The following KDM5B variants were observed in gnomAD, a reference collection of about 807,000 sequenced individuals.
The protein encoded by KDM5B is lysine-specific demethylase 5B.
In KDM5B, 144 loss-of-function variants were observed where a neutral mutation model predicts 193.4. The ratio of observed to expected loss-of-function variants is 0.74; its 90% CI spans 0.65 to 0.86. KDM5B has a LOEUF of 0.86. Among genes scored for constraint, KDM5B ranks in the 40% least tolerant of loss-of-function variants. The probability of loss-of-function intolerance (pLI) is 0.00; values close to 1 mark genes in which losing one functional copy is unlikely to be tolerated. For missense variants in KDM5B, 1,833 were observed against 1,886.9 expected (o/e 0.97, Z 0.53); for synonymous variants, 668 against 682.6 (o/e 0.98, Z 0.33).
At chr1:202,754,042 C>G (rs4478871) in intron 11 of KDM5B, among the ~76,000 whole-genome samples, 117,942 of 152,170 alleles carry the variant, frequency 0.78, 46,909 homozygotes, top group Admixed American at 0.86. Flanking sequence ...TAAAGCAACC[C>G]ACAAGGGTAA....
In KDM5B at chr1:202,740,806, T is replaced by C. The variant is rs749294393; in HGVS notation, c.2952A>G (p.Arg984=). The stretch of plus-strand genomic sequence containing the variant: ...CCGTAGCAAGGCTATTCAATGAATG[T>C]CGTGGCCTACAAAATGCAAACAAAG... The part of the protein sequence containing the change: ...KAKSLLKARP[R]HSLNSLATAV... The change falls in exon 20 of 27, where the codon CGA becomes CGG. Residue 984 remains arginine, a synonymous_variant. Coordinates refer to ENST00000367265, the MANE Select transcript of KDM5B (RefSeq NM_006618.5). The C allele has an allele frequency of 1.2e-6, 2 of 1,608,712 alleles. No homozygotes were observed. The highest frequency in any genetic ancestry group is 8.5e-7 in the Non-Finnish European group (1 of 1,177,246).
intron 8 of KDM5B, among the ~76,000 whole-genome samples, chr1:202,760,090 A>C (rs922476646): frequency 2.6e-5 from 4 of 152,108 alleles, no homozygotes; most frequent in Admixed American, 6.6e-5. Context: ...AGGTAGGAGG[A>C]CTATTTGAGC....
Position 202,789,044 on chromosome 1 carries a change from A to C in KDM5B, c.205-11950T>G, listed in dbSNP as rs554972828. Among the ~76,000 whole-genome samples, 4 of 152,252 alleles carry C rather than the reference A, an allele frequency of 2.6e-5. No homozygotes were observed. The East Asian group carries it at 7.7e-4, about 29-fold the overall frequency. On this transcript the variant is annotated intron_variant, in intron 1 of 26. Transcript: ENST00000367265. ...AGGGCAGGGGAAGCTTAAACATCCC[A>C]CACCCTAACTTTAAGGCCTCATTAG...
intron 4 of KDM5B, among the ~76,000 whole-genome samples, chr1:202,772,855 C>T (rs1472186768): frequency 6.9e-6 from 1 of 145,020 alleles, no homozygotes; most frequent in African/African-American, 2.4e-5. Context: ...CGCCACCATG[C>T]CCAGCAAATT....
chr1:202,756,412 A>T lies in KDM5B; in HGVS notation c.1302T>A (p.Phe434Leu). The change falls in exon 10 of 27, where the codon TTT becomes TTA. Residue 434 changes from phenylalanine to leucine, a missense_variant. Transcript: ENST00000367265. ...EYGADIASKE[F>L]GSGFPVRDGK... ...CATCTCGGACAGGAAAGCCACTGCC[A>T]AATTCCTTTGAGGCAATGTCAGCTC... is the stretch of plus-strand genomic sequence containing the variant. The T allele has an allele frequency of 6.2e-7, 1 of 1,613,742 alleles. No individual in the cohort carries two copies. Among genetic ancestry groups the T allele is most frequent in the Non-Finnish European group, 8.5e-7 (1 of 1,179,816 alleles).
At chr1:202,794,857 T>C (rs1430476108) in intron 1 of KDM5B, among the ~76,000 whole-genome samples, 1 of 152,186 alleles carries the variant, frequency 6.6e-6, no homozygotes, top group Non-Finnish European at 1.5e-5. Flanking sequence ...ATGATAAAAT[T>C]TAACTTATAA....
chr1:202,787,030 C>A (rs571174891), intron 1 of KDM5B, among the ~76,000 whole-genome samples: 2 of 151,018 alleles, frequency 1.3e-5, no homozygotes, highest in Non-Finnish European at 3.0e-5. Flanking sequence ...TTTTCTTTTT[C>A]TTTTTGAGAC....
chr1:202,774,687 A>G lies in KDM5B; in HGVS notation c.331T>C (p.Trp111Arg). The change falls in exon 3 of 27, where the codon TGG becomes CGG. Residue 111 changes from tryptophan (W) to arginine (R), a missense_variant. By Grantham distance (101) the Trp-to-Arg change is moderately radical (BLOSUM62 -3). Coordinates refer to ENST00000367265, the MANE Select transcript of KDM5B (RefSeq NM_006618.5). ...LNFLDQIAKY[W>R]ELQGSTLKIP... ...TTCAGAGTACTTCCCTGTAACTCCC[A>G]GTACTTTGCAATCTGGTCCAAGAAA... The G allele has an allele frequency of 6.2e-7, 1 of 1,612,892 alleles. No homozygotes were observed. The highest frequency in any genetic ancestry group is 8.5e-7 in the Non-Finnish European group (1 of 1,178,866).
chr1:202,795,276 A>G (rs1234037631), intron 1 of KDM5B, among the ~76,000 whole-genome samples: 3 of 151,984 alleles, frequency 2.0e-5, no homozygotes, highest in Non-Finnish European at 4.4e-5. Context: ...TTCTCTCAAA[A>G]TATCTTATTG....
intron 4 of KDM5B, 27 bp downstream of exon 4, chr1:202,773,091 C>T (rs1558505256): frequency 4.0e-6 from 6 of 1,495,076 alleles, no homozygotes; most frequent in Admixed American, 1.8e-5. Context: ...TAAGATAAAA[C>T]AGGTTAAGGC....
intron 13 of KDM5B, among the ~76,000 whole-genome samples, chr1:202,749,507 T>A (rs566374624): frequency 1.3e-5 from 2 of 152,168 alleles, no homozygotes; most frequent in South Asian, 4.2e-4. Context: ...CAATGAGCCA[T>A]GATTGCACCA....
rs1656017083 is a variant in KDM5B at position 202,756,475 on chromosome 1, T to C, written c.1239A>G (p.Leu413=). ...TGACATCCTCCTCAATAGTGCTTAC[T>C]AGTCTCCAAAATTCTTTCTCAACAA... is the stretch of plus-strand genomic sequence containing the variant. ...TELVEKEFWR[L]VSTIEEDVTV... The change falls in exon 10 of 27, where the codon CTA becomes CTG. Residue 413 remains leucine, a synonymous_variant. Coordinates refer to ENST00000367265, the MANE Select transcript of KDM5B (RefSeq NM_006618.5). 6.2e-7 allele frequency: 1 copy of C among 1,610,540 alleles called. No homozygotes were observed. Among genetic ancestry groups the C allele is most frequent in the South Asian group, 1.1e-5 (1 of 90,376 alleles).
At chr1:202,755,028 C>T (rs1296183945) in intron 11 of KDM5B, among the ~76,000 whole-genome samples, 1 of 152,150 alleles carries the variant, frequency 6.6e-6, no homozygotes, top group African/African-American at 2.4e-5. Flanking sequence ...ACCCTTCCCC[C>T]AGAATTACGT....
At chr1:202,792,873 T>C (rs1657695626) in intron 1 of KDM5B, among the ~76,000 whole-genome samples, 1 of 152,022 alleles carries the variant, frequency 6.6e-6, no homozygotes, top group Non-Finnish European at 1.5e-5. Flanking sequence ...GGTGGGTGCC[T>C]GTAATCCCAG....
At chr1:202,788,147 T>C (rs576652107) in intron 1 of KDM5B, among the ~76,000 whole-genome samples, 288 of 152,328 alleles carry the variant, frequency 1.9e-3, no homozygotes, top group Non-Finnish European at 3.5e-3. Flanking sequence ...TAGTGATTTA[T>C]TGACCGCCTA....
intron 14 of KDM5B, among the ~76,000 whole-genome samples, chr1:202,747,977 G>C (rs1216103604): frequency 2.6e-5 from 4 of 151,602 alleles, no homozygotes; most frequent in African/African-American, 9.7e-5. Context: ...AAAAAACAAA[G>C]TTAGAAGACT....
At chr1:202,736,478 T>C in intron 20 of KDM5B, 86 bp from the exon 21 acceptor site, 1 of 1,047,708 alleles carries the variant, frequency 9.5e-7, no homozygotes, top group Non-Finnish European at 1.3e-6. Context: ...ATTGGTCCAT[T>C]GAGTACTTCA....
At position 202,752,922 on chromosome 1, in the gene KDM5B, T is replaced by G. The variant is rs747979992; in HGVS notation, c.1684A>C (p.Met562Leu). ...LVTIMNPNTL[M>L]THEVPVYRTN... ...GAACATACAGGCACTTCATGAGTCA[T>G]CAGGGTATTGGGGTTCATGATGGTC... is the stretch of plus-strand genomic sequence containing the variant. The change falls in exon 12 of 27, where the codon ATG (methionine) becomes CTG (leucine). Residue 562 changes from methionine (M) to leucine (L), a missense_variant. Transcript: ENST00000367265. 1 of 1,613,942 alleles carries G rather than the reference T, an allele frequency of 6.2e-7. No homozygotes were observed. The highest frequency in any genetic ancestry group is 8.5e-7 in the Non-Finnish European group (1 of 1,179,930).
intron 18 of KDM5B, among the ~76,000 whole-genome samples, chr1:202,742,142 G>A (rs1655368771): frequency 6.6e-6 from 1 of 151,934 alleles, no homozygotes; most frequent in South Asian, 2.1e-4. Context: ...CAAAGTGCTG[G>A]GGTTACAGGT....
Sources: gnomAD v4.1 joint callset for allele counts (sites outside exome capture counted in the v4.1 genomes callset) on GRCh38, gnomAD v4.1.1 for gene constraint, MANE v1.5 for transcripts, NCBI Gene and HGNC (gene_info 2026-07-23, HGNC 2026-07-21) for gene names.